Variants in KIAA1671 observed in about 807,000 individuals in gnomAD.
KIAA1671 encodes uncharacterized protein KIAA1671.
KIAA1671 carries 52 observed loss-of-function variants against 131.2 expected under a neutral mutation model. The observed-to-expected ratio is 0.40, with a 90% CI of 0.32 to 0.50. The LOEUF is 0.50. KIAA1671 is among the 20% of genes least tolerant of loss of function. The pLI, the probability that KIAA1671 is intolerant of heterozygous loss-of-function variation, is 0.73. For synonymous variants in KIAA1671, 1,003 were observed against 961.6 expected (o/e 1.04, Z -0.80); for missense variants, 2,360 against 2,364.2 (o/e 1.00, Z 0.04).
chr22:25,160,222 G>A (rs892038891), intron 6 of KIAA1671, among the ~76,000 whole-genome samples: 5 of 152,116 alleles, frequency 3.3e-5, no homozygotes, highest in South Asian at 2.1e-4. Context: ...GAGTGGAGCC[G>A]GAGCTGAGGA....
At chr22:25,032,066 C>G (rs1313911453) in intron 3 of KIAA1671, among the ~76,000 whole-genome samples, 2 of 152,176 alleles carry the variant, frequency 1.3e-5, no homozygotes, top group African/African-American at 4.8e-5. Flanking sequence ...AAAGAGGGCC[C>G]TGGTGATCCA....
intron 6 of KIAA1671, among the ~76,000 whole-genome samples, chr22:25,093,153 C>T (rs1930104959): frequency 1.3e-5 from 2 of 152,348 alleles, no homozygotes; most frequent in South Asian, 4.1e-4. Flanking sequence ...ACAAACCCTA[C>T]AAAGCAATCG....
chr22:25,055,789 G>GATAGATATAGATAGATATAGATATAGAT (rs1237359813), intron 6 of KIAA1671: 2 of 111,692 alleles, frequency 1.8e-5, no homozygotes, highest in Non-Finnish European at 3.9e-5. Flanking sequence ...CATATATATA[G>GATAGATATAGATAGATATAGATATAGAT]ATAGATATAG....
At chr22:25,168,138 A>T (rs1490299387) in intron 6 of KIAA1671, among the ~76,000 whole-genome samples, 1 of 152,158 alleles carries the variant, frequency 6.6e-6, no homozygotes, top group Non-Finnish European at 1.5e-5. Context: ...TGGGAAGAAG[A>T]TAAACTGCTG....
At chr22:25,085,803 G>GAGGGAGGA (rs1370126434) in intron 6 of KIAA1671, among the ~76,000 whole-genome samples, 81 of 127,354 alleles carry the variant, frequency 6.4e-4, no homozygotes, top group South Asian at 1.2e-3. Context: ...GGGAGGGAGG[G>GAGGGAGGA]AGGGAGGAAG....
chr22:25,074,995 T>C (rs895046413), intron 6 of KIAA1671, among the ~76,000 whole-genome samples: 1 of 152,232 alleles, frequency 6.6e-6, no homozygotes, highest in African/African-American at 2.4e-5. Flanking sequence ...GTTACAAAGA[T>C]AGTAGCGGGA....
chr22:25,115,177 T>C (rs1009181000), intron 6 of KIAA1671, among the ~76,000 whole-genome samples: 11 of 152,178 alleles, frequency 7.2e-5, no homozygotes, highest in Non-Finnish European at 1.0e-4. Context: ...TGCACTCCCA[T>C]GTGAGCCTGA....
chr22:24,986,949 T>C (rs1036970769), intron 1 of KIAA1671, among the ~76,000 whole-genome samples: 1 of 151,634 alleles, frequency 6.6e-6, no homozygotes, highest in Non-Finnish European at 1.5e-5. Flanking sequence ...TAGTAAATAT[T>C]TTCAGCTTTG....
At chr22:25,007,455 C>T (rs1455263518) in intron 1 of KIAA1671, among the ~76,000 whole-genome samples, 1 of 148,246 alleles carries the variant, frequency 6.7e-6, no homozygotes. Flanking sequence ...CATGGCACTC[C>T]AGCCTGGTGA....
chr22:24,997,642 A>T (rs1459817709), intron 1 of KIAA1671, among the ~76,000 whole-genome samples: 1 of 152,044 alleles, frequency 6.6e-6, no homozygotes, highest in Non-Finnish European at 1.5e-5. Context: ...AGAACAAATA[A>T]TGCAAGGCTG....
chr22:25,174,649 CTGCCA>C (rs1198959547), intron 8 of KIAA1671, 160 bp downstream of exon 8: 2 of 751,956 alleles, frequency 2.7e-6, no homozygotes, highest in African/African-American at 1.8e-5. Context: ...TATCTTGGAC[CTGCCA>C]TACACCTGCT....
intron 6 of KIAA1671, among the ~76,000 whole-genome samples, chr22:25,121,129 A>G (rs1248825971): frequency 6.6e-6 from 1 of 152,234 alleles, no homozygotes; most frequent in Non-Finnish European, 1.5e-5. Flanking sequence ...ATTGATACGC[A>G]TCACAGGGAG....
At chr22:24,976,014 A>T (rs1418245982) in intron 1 of KIAA1671, among the ~76,000 whole-genome samples, 1 of 152,206 alleles carries the variant, frequency 6.6e-6, no homozygotes, top group Non-Finnish European at 1.5e-5. Flanking sequence ...TTGTGGGAAG[A>T]GGCGGGCATT....
chr22:25,000,248 C>T (rs1924383553), intron 1 of KIAA1671, among the ~76,000 whole-genome samples: 1 of 60,058 alleles, frequency 1.7e-5, no homozygotes. Context: ...GGCTGGAGTG[C>T]AGTGGCGGGA....
At position 25,194,076 on chromosome 22, in the gene KIAA1671, G is replaced by GTGTTT. The variant is rs1027839384; in HGVS notation, c.*1692_*1696dup. ...GATCCCCTTTAAAAATACCCTGCTA[G>GTGTTT]TGTTTTGTTTTGTTTTGTTTTTCTG... is the stretch of plus-strand genomic sequence containing the variant. On this transcript the variant is annotated 3_prime_UTR_variant, in exon 13 of 13. Coordinates refer to ENST00000358431, the MANE Select transcript of KIAA1671 (RefSeq NM_001145206.2). 6 of 152,030 alleles carry GTGTTT rather than the reference G, an allele frequency of 3.9e-5. No homozygotes were observed. Among genetic ancestry groups the GTGTTT allele is most frequent in the Admixed American group, 2.6e-4 (4 of 15,242 alleles). 9.4% of individuals were successfully genotyped at this position (152,030 alleles called of 1,614,324 possible).
intron 6 of KIAA1671, among the ~76,000 whole-genome samples, chr22:25,155,028 T>C (rs1226666007): frequency 6.6e-6 from 1 of 152,124 alleles, no homozygotes; most frequent in Non-Finnish European, 1.5e-5. Flanking sequence ...TTCTGCGCCC[T>C]CTCCCCCACT....
chr22:25,114,703 C>T (rs898499186), intron 6 of KIAA1671, among the ~76,000 whole-genome samples: 5 of 152,244 alleles, frequency 3.3e-5, no homozygotes, highest in Non-Finnish European at 7.3e-5. Flanking sequence ...GGCAACCAAA[C>T]CTTTCCTCTC....
chr22:24,994,497 T>C, intron 1 of KIAA1671, among the ~76,000 whole-genome samples: 1 of 152,180 alleles, frequency 6.6e-6, no homozygotes, highest in Non-Finnish European at 1.5e-5. Flanking sequence ...CAGAAAGTTA[T>C]CCACTAGTGC....
intron 1 of KIAA1671, among the ~76,000 whole-genome samples, chr22:24,984,429 A>G (rs937396462): frequency 9.2e-5 from 14 of 152,134 alleles, no homozygotes; most frequent in African/African-American, 3.4e-4. Context: ...CCATCCTCAA[A>G]TATAGCTGGG....
Sources: gnomAD v4.1 joint callset for allele counts (sites outside exome capture counted in the v4.1 genomes callset) on GRCh38, gnomAD v4.1.1 for gene constraint, MANE v1.5 for transcripts, NCBI Gene and HGNC (gene_info 2026-07-23, HGNC 2026-07-21) for gene names.